The following TDRD5 variants were observed in gnomAD, a reference collection of about 807,000 sequenced individuals.
TDRD5 encodes the protein tudor domain containing 5.
TDRD5 carries 41 observed loss-of-function variants against 120.6 expected under a neutral mutation model. The ratio of observed to expected loss-of-function variants is 0.34; its 90% confidence interval spans 0.26 to 0.44. The LOEUF (loss-of-function observed/expected upper bound fraction) is 0.44, where lower values mean the gene tolerates loss of function less well. Ranked by LOEUF, TDRD5 falls within the 20% of genes least tolerant of loss-of-function variation. The probability of loss-of-function intolerance (pLI) is 1.00; values close to 1 mark genes in which losing one functional copy is unlikely to be tolerated. For missense variants in TDRD5, 1,006 were observed against 1,221.2 expected, an observed-to-expected ratio of 0.82 and a Z score of 2.63; for synonymous variants, 430 against 433.7, an observed-to-expected ratio of 0.99 and a Z score of 0.11.
intron 16 of TDRD5, among the ~76,000 whole-genome samples, chr1:179,666,685 G>A (rs1040663389): frequency 3.3e-5 from 5 of 152,170 alleles, no homozygotes; most frequent in Admixed American, 3.3e-4. Context: ...ATAAGCATAT[G>A]GCAACCCTAT....
intron 17 of TDRD5, among the ~76,000 whole-genome samples, chr1:179,674,029 T>A (rs370657109): frequency 1.4e-4 from 22 of 152,318 alleles, no homozygotes; most frequent in African/African-American, 5.3e-4. Context: ...CCGATTTGGG[T>A]GCCCTTTATT....
In TDRD5 at chr1:179,634,614, A is replaced by G; in HGVS notation, c.1284A>G (p.Val428=). Reference sequence around the variant, plus strand: ...TTTGCAAGAAGCCTAATCTGGTGGTAAAGCCTTTACAGCTGGTGAGTGAGG... The same window carrying G: ...TTTGCAAGAAGCCTAATCTGGTGGTGAAGCCTTTACAGCTGGTGAGTGAGG... ...QKICKKPNLV[V]KPLQLQVETN... The change falls in exon 8 of 18, where the codon GTA becomes GTG. Residue 428 remains valine (V), a synonymous_variant. Transcript: ENST00000444136. The G allele has an allele frequency of 6.2e-7, 1 of 1,612,076 alleles. No individual in the cohort carries two copies. Among genetic ancestry groups the G allele is most frequent in the Middle Eastern group, 1.7e-4 (1 of 6,050 alleles).
intron 4 of TDRD5, among the ~76,000 whole-genome samples, chr1:179,608,434 C>T (rs898966549): frequency 4.7e-5 from 7 of 149,656 alleles, no homozygotes; most frequent in African/African-American, 7.4e-5. Flanking sequence ...TCTTGCAGGT[C>T]ACTGACACTC....
Position 179,669,364 on chromosome 1 carries a change from A to T in TDRD5, c.2820A>T (p.Thr940=), listed in dbSNP as rs1262467210. 1 of 1,614,042 alleles carries T rather than the reference A, an allele frequency of 6.2e-7. No homozygotes were observed. The highest frequency in any genetic ancestry group is 8.5e-7 in the Non-Finnish European group (1 of 1,180,026). ...IQLSTAAPCS[T]TAVDDSAEKP... is the part of the protein sequence containing the mutation. ...TTTCCACAGCAGCACCCTGTTCAAC[A>T]ACTGCAGTGGATGATTCCGCAGAAA... The change falls in exon 17 of 18, where the codon ACA becomes ACT. Residue 940 remains threonine (T), a synonymous_variant. Coordinates refer to ENST00000444136, the MANE Select transcript of TDRD5 (RefSeq NM_001199085.3).
chr1:179,662,410 G>A (rs951626848), intron 15 of TDRD5, 124 bp downstream of exon 15: 4 of 972,820 alleles, frequency 4.1e-6, no homozygotes, highest in Non-Finnish European at 5.8e-6. Flanking sequence ...TGACCAGCCT[G>A]GGCAACATGG....
In TDRD5 at chr1:179,649,844, A is replaced by G. The variant is rs948884595; in HGVS notation, c.1801-1023A>G. Among the ~76,000 whole-genome samples the G allele has an allele frequency of 3.9e-5, 6 of 152,218 alleles. No homozygotes were observed. In the East Asian group the frequency reaches 7.7e-4, roughly 20 times the overall value. On this transcript the variant is annotated intron_variant, in intron 11 of 17. Transcript: ENST00000444136. Reference sequence around the variant, plus strand: ...TGAATAATAAAGGCTGAGGTTGTCTACCTCCAGAGAGGATTTACATGTGCT... The same window carrying G: ...TGAATAATAAAGGCTGAGGTTGTCTGCCTCCAGAGAGGATTTACATGTGCT...
chr1:179,684,192 C>G (rs760739409), intron 17 of TDRD5, among the ~76,000 whole-genome samples: 6 of 152,118 alleles, frequency 3.9e-5, no homozygotes, highest in Non-Finnish European at 7.3e-5. Flanking sequence ...TGCTATCCCT[C>G]CCTGCTCCCC....
intron 4 of TDRD5, among the ~76,000 whole-genome samples, chr1:179,607,953 T>C (rs1676068038): frequency 6.6e-6 from 1 of 152,032 alleles, no homozygotes; most frequent in Non-Finnish European, 1.5e-5. Flanking sequence ...AATTTTAACA[T>C]ATCCTGTAAG....
intron 4 of TDRD5, among the ~76,000 whole-genome samples, chr1:179,608,869 T>C (rs541486387): frequency 1.3e-5 from 2 of 152,260 alleles, no homozygotes; most frequent in East Asian, 3.9e-4. Context: ...TTACTTTGAC[T>C]CAATTTGATC....
chr1:179,677,484 A>G (rs886816991), intron 17 of TDRD5, among the ~76,000 whole-genome samples: 5 of 152,172 alleles, frequency 3.3e-5, no homozygotes, highest in Admixed American at 6.5e-5. Flanking sequence ...AGTAGAGTAT[A>G]TAAGAGGGGA....
At chr1:179,632,457 CAT>C (rs1677511547) in intron 7 of TDRD5, among the ~76,000 whole-genome samples, 1 of 150,598 alleles carries the variant, frequency 6.6e-6, no homozygotes, top group Non-Finnish European at 1.5e-5. Context: ...TAAAGTAACT[CAT>C]GTTCATTCTG....
At position 179,690,780 on chromosome 1, in the gene TDRD5, C is replaced by T; in HGVS notation, c.2945C>T (p.Ser982Phe). The T allele has an allele frequency of 1.2e-6, 2 of 1,614,228 alleles. No homozygotes were observed. Among genetic ancestry groups the T allele is most frequent in the East Asian group, 2.2e-5 (1 of 44,890 alleles). Residue 982 changes from serine (S) to phenylalanine (F), a missense_variant, in exon 18 of 18, where the codon TCT becomes TTT. By Grantham distance (155) the Ser-to-Phe change is radical (BLOSUM62 -2). This residue lies in a region of TDRD5 where 403 missense variants were observed against 448.1 expected (regional missense o/e 0.90). Coordinates refer to ENST00000444136, the MANE Select transcript of TDRD5 (RefSeq NM_001199085.3). The part of the protein sequence containing the change: ...ITLYKDKRQE[S>F]VDQLSLILSY... Reference sequence around the variant, plus strand: ...TTGTACAAAGACAAGCGTCAAGAATCTGTAGACCAGCTGTCTTTGATTTTG... The same window carrying T: ...TTGTACAAAGACAAGCGTCAAGAATTTGTAGACCAGCTGTCTTTGATTTTG...
intron 11 of TDRD5, among the ~76,000 whole-genome samples, chr1:179,640,985 A>G (rs1298040019): frequency 1.3e-5 from 2 of 152,200 alleles, no homozygotes; most frequent in African/African-American, 4.8e-5. Context: ...GACAGATAAC[A>G]TGTTTTCAAG....
chr1:179,650,572 A>G (rs1398880589), intron 11 of TDRD5, among the ~76,000 whole-genome samples: 2 of 152,080 alleles, frequency 1.3e-5, no homozygotes, highest in East Asian at 1.9e-4. Context: ...TAGAATTTTT[A>G]GTTGTTTTCT....
chr1:179,636,353 C>G (rs1677764212), intron 9 of TDRD5, among the ~76,000 whole-genome samples: 1 of 152,104 alleles, frequency 6.6e-6, no homozygotes, highest in South Asian at 2.1e-4. Flanking sequence ...ATGGTAGTTT[C>G]TCAAATGTTA....
At chr1:179,640,093 G>A (rs765925177) in intron 10 of TDRD5, 42 bp downstream of exon 10, 57 of 1,597,416 alleles carry the variant, frequency 3.6e-5, no homozygotes, top group Admixed American at 5.0e-5. Flanking sequence ...ATTAAATTTT[G>A]AATCACAGTG....
chr1:179,645,392 T>C (rs1201232826), intron 11 of TDRD5, among the ~76,000 whole-genome samples: 1 of 152,170 alleles, frequency 6.6e-6, no homozygotes, highest in African/African-American at 2.4e-5. Context: ...GCCATAAACA[T>C]TTTCCTAATT....
rs71569261 is a variant in TDRD5 at position 179,645,076 on chromosome 1, C to CTTT, written c.1800+4656_1800+4658dup. ...AGTTTCTCAGTTTATAAACATTTTT[C>CTTT]TTTTTTTTTTTTTTTTTTTTTTTTT... On this transcript the variant is annotated intron_variant, in intron 11 of 17. Coordinates refer to ENST00000444136, the MANE Select transcript of TDRD5 (RefSeq NM_001199085.3). 1.8e-4 allele frequency among the ~76,000 whole-genome samples: 18 copies of CTTT among 99,596 alleles called. 1 individual carries two copies. The highest frequency in any genetic ancestry group is 4.9e-4 in the African/African-American group (12 of 24,620). The allele number at this position is 99,596 out of a possible 152,430, so 65.3% of individuals were successfully genotyped here. A position where few individuals can be genotyped will look rare whatever the true frequency, so the allele number is the denominator to read the frequency against.
intron 14 of TDRD5, among the ~76,000 whole-genome samples, chr1:179,660,960 G>T (rs1038084059): frequency 1.3e-4 from 20 of 151,930 alleles, no homozygotes; most frequent in African/African-American, 4.6e-4. Flanking sequence ...TAGAAACCTG[G>T]GTTCCCATTT....
Sources: allele counts gnomAD v4.1 joint callset (sites outside exome capture counted in the v4.1 genomes callset), GRCh38; gene constraint gnomAD v4.1.1; regional missense constraint gnomAD v4.1.1; transcripts MANE v1.5; gene names NCBI Gene and HGNC (gene_info 2026-07-23, HGNC 2026-07-21).